Variants in SCAMP4 observed in about 807,000 individuals in gnomAD.
The protein encoded by SCAMP4 is secretory carrier membrane protein 4, also known as secretory carrier-associated membrane protein 4.
A neutral mutation model predicts 32.1 loss-of-function variants in SCAMP4; 19 were observed. That is an observed-to-expected ratio of 0.59 (90% CI 0.41 to 0.87). The LOEUF (loss-of-function observed/expected upper bound fraction) is 0.87. Among genes scored for constraint, SCAMP4 ranks in the 40% least tolerant of loss-of-function variants. The pLI is 0.00. For synonymous variants in SCAMP4, 152 were observed against 132.7 expected, an observed-to-expected ratio of 1.15 and a Z score of -1.00; for missense variants, 302 against 309.0, an observed-to-expected ratio of 0.98 and a Z score of 0.17.
chr19:1,925,401 A>G lies in SCAMP4; in HGVS notation c.*1117A>G, dbSNP rs1224646649. On this transcript the variant is annotated 3_prime_UTR_variant, in exon 7 of 7. Coordinates refer to ENST00000316097, the MANE Select transcript of SCAMP4 (RefSeq NM_079834.4). ...GTGTCAGCCACCGCGCCCAGCCTGG[A>G]GTGGCCTTTTATGAGAGGGGACCCG... 6.6e-6 allele frequency: 1 copy of G among 152,476 alleles called. No individual in the cohort carries two copies. Among genetic ancestry groups the G allele is most frequent in the African/African-American group, 2.4e-5 (1 of 41,356 alleles). 9.4% of individuals were successfully genotyped at this position (152,476 alleles called of 1,614,324 possible).
rs527446139 is a variant in SCAMP4 at position 1,912,045 on chromosome 19, C to T, written c.-41-2934C>T. The T allele has an allele frequency of 7.8e-6, 11 of 1,416,840 alleles. No homozygotes were observed. The East Asian group carries it at 1.1e-4, about 14-fold the overall frequency. 87.8% of individuals were successfully genotyped at this position (1,416,840 alleles called of 1,614,324 possible). A position where few individuals can be genotyped will look rare whatever the true frequency, so the allele number is the denominator to read the frequency against. The stretch of plus-strand genomic sequence containing the variant: ...CTCTCCCCCAGCCGCCCGCAGCCGC[C>T]GGATGATCCTCTGCTCCCGTCTCTG... On this transcript the variant is annotated intron_variant, in intron 1 of 6. Coordinates refer to ENST00000316097, the MANE Select transcript of SCAMP4 (RefSeq NM_079834.4).
intron 5 of SCAMP4, chr19:1,922,384 G>C: frequency 1.5e-6 from 1 of 684,056 alleles, no homozygotes; most frequent in African/African-American, 1.9e-5. Context: ...ACAGGCATGC[G>C]CCCTCATGCC....
intron 5 of SCAMP4, chr19:1,921,149 T>C (rs2013907639): frequency 1.0e-6 from 1 of 985,256 alleles, no homozygotes; most frequent in African/African-American, 1.7e-5. Context: ...TGCGCTGCTG[T>C]GGGGCGAGAG....
intron 1 of SCAMP4, chr19:1,912,646 C>A: frequency 1.4e-6 from 2 of 1,424,778 alleles, no homozygotes; most frequent in Non-Finnish European, 1.8e-6. Context: ...GTGTGGGCGG[C>A]CCGGCGGGCA....
In SCAMP4 at chr19:1,916,011, C is replaced by T. The variant is rs149852500; in HGVS notation, c.7+985C>T. ...TGTAATCCCAGCACTTTTGGGAGGC[C>T]GAGGTGGGCAGATGATGAGGTCAGG... On this transcript the variant is annotated intron_variant, in intron 2 of 6. Coordinates refer to ENST00000316097, the MANE Select transcript of SCAMP4 (RefSeq NM_079834.4). Among the ~76,000 whole-genome samples the T allele has an allele frequency of 7.1e-3, 1,064 of 150,040 alleles. 11 individuals are homozygous for T. Among genetic ancestry groups the T allele is most frequent in the African/African-American group, 0.025 (1,021 of 40,628 alleles).
At chr19:1,912,819 G>C (rs748606302) in intron 1 of SCAMP4, 1 of 1,588,454 alleles carries the variant, frequency 6.3e-7, no homozygotes, top group Non-Finnish European at 8.5e-7. Flanking sequence ...CGGCACCTAC[G>C]ACTTCAGACC....
chr19:1,910,113 G>A (rs1317478810), intron 1 of SCAMP4, among the ~76,000 whole-genome samples: 1 of 152,194 alleles, frequency 6.6e-6, no homozygotes, highest in Non-Finnish European at 1.5e-5. Context: ...TACAACACCC[G>A]CCAGCTCCCG....
At chr19:1,922,391 T>C (rs753802912) in intron 5 of SCAMP4, 215 of 689,568 alleles carry the variant, frequency 3.1e-4, no homozygotes, top group Non-Finnish European at 3.7e-4. Context: ...TGCGCCCTCA[T>C]GCCTGGCTAA....
intron 1 of SCAMP4, chr19:1,912,344 T>G (rs996976017): frequency 2.0e-6 from 3 of 1,533,210 alleles, no homozygotes; most frequent in Non-Finnish European, 2.6e-6. Flanking sequence ...CCAGCCGCGA[T>G]GCCGGCAGCC....
intron 1 of SCAMP4, among the ~76,000 whole-genome samples, chr19:1,907,807 C>T (rs2145423285): frequency 6.6e-6 from 1 of 152,254 alleles, no homozygotes; most frequent in Non-Finnish European, 1.5e-5. Flanking sequence ...GGTCAGGTGG[C>T]CCCCTGCTGT....
At position 1,917,648 on chromosome 19, in the gene SCAMP4, C is replaced by G. The variant is rs757381142; in HGVS notation, c.8-46C>G. On this transcript the variant is annotated intron_variant, in intron 2 of 6. Transcript: ENST00000316097. ...CGAAGGGATGAGGTGGGGCCTCCTT[C>G]AAGAGACAAAGTCTGGTTCTGTCCG... The G allele has an allele frequency of 3.7e-6, 6 of 1,611,826 alleles. No individual in the cohort carries two copies. The East Asian group carries it at 1.3e-4, about 36-fold the overall frequency.
At chr19:1,914,526 T>G in intron 1 of SCAMP4, 3 of 212,148 alleles carry the variant, frequency 1.4e-5, no homozygotes, top group Non-Finnish European at 1.9e-5. Flanking sequence ...CACTCAGTCG[T>G]GGGTGGATGT....
At position 1,908,308 on chromosome 19, in the gene SCAMP4, G is replaced by A. The variant is rs2013247121; in HGVS notation, c.-42+2869G>A. 3.0e-6 allele frequency: 1 copy of A among 335,408 alleles called. No homozygotes were observed. The highest frequency in any genetic ancestry group is 4.1e-5 in the Admixed American group (1 of 24,448). 20.8% of individuals were successfully genotyped at this position (335,408 alleles called of 1,614,324 possible). Reference sequence around the variant, plus strand: ...GCTTTGTTGAACGCGTGAGCTTCGGGCAGCGCTGGGGCCGCTTCAGCGTGA... The same window carrying A: ...GCTTTGTTGAACGCGTGAGCTTCGGACAGCGCTGGGGCCGCTTCAGCGTGA... On this transcript the variant is annotated intron_variant, in intron 1 of 6. Coordinates refer to ENST00000316097, the MANE Select transcript of SCAMP4 (RefSeq NM_079834.4). This position sits in a 1 kb window ranked among gnomAD's most constrained non-coding sequence, Gnocchi z 4.2.
chr19:1,919,215 G>A (rs2013839357), intron 5 of SCAMP4: 9 of 1,395,928 alleles, frequency 6.4e-6, no homozygotes, highest in Non-Finnish European at 6.5e-6. Context: ...CTCCTAGGGA[G>A]GGGTCCGAGC....
In SCAMP4 at chr19:1,924,188, A is replaced by T. The variant is rs1190896776; in HGVS notation, c.594A>T (p.Pro198=). Reference sequence around the variant, plus strand: ...GGAACACGGGCACTTGGCGGAACCCACCGTCGAGGGAGGCCCAGTACAACA... The same window carrying T: ...GGAACACGGGCACTTGGCGGAACCCTCCGTCGAGGGAGGCCCAGTACAACA... The part of the protein sequence containing the change: ...TEWNTGTWRN[P]PSREAQYNNF... The change falls in exon 7 of 7, where the codon CCA becomes CCT. Residue 198 remains proline, a synonymous_variant. Coordinates refer to ENST00000316097, the MANE Select transcript of SCAMP4 (RefSeq NM_079834.4). 1.2e-6 allele frequency: 2 copies of T among 1,610,902 alleles called. No individual in the cohort carries two copies. Among genetic ancestry groups the T allele is most frequent in the African/African-American group, 2.7e-5 (2 of 74,874 alleles).
At position 1,924,833 on chromosome 19, in the gene SCAMP4, T is replaced by C. The variant is rs2014048527; in HGVS notation, c.*549T>C. On this transcript the variant is annotated 3_prime_UTR_variant, in exon 7 of 7. Transcript: ENST00000316097. ...AGCTGAGTCCTCGCTGTCCCCGCCA[T>C]CCCCTGATCTGTGCGGCTCCAGCCT... 1 of 170,776 alleles carries C rather than the reference T, an allele frequency of 5.9e-6. No homozygotes were observed. Among genetic ancestry groups the C allele is most frequent in the South Asian group, 1.4e-4 (1 of 7,114 alleles). The allele number at this position is 170,776 out of a possible 1,614,324, so 10.6% of individuals were successfully genotyped here. A position where few individuals can be genotyped will look rare whatever the true frequency, so the allele number is the denominator to read the frequency against.
intron 5 of SCAMP4, among the ~76,000 whole-genome samples, chr19:1,919,899 T>G (rs1423708895): frequency 6.7e-6 from 1 of 149,956 alleles, no homozygotes; most frequent in African/African-American, 2.5e-5. Context: ...AACCTTCACC[T>G]CCCAGGTTCA....
chr19:1,905,408 C>G lies in SCAMP4; in HGVS notation c.-73C>G. 2.2e-6 allele frequency: 1 copy of G among 463,612 alleles called. No individual in the cohort carries two copies. Among genetic ancestry groups the G allele is most frequent in the Non-Finnish European group, 4.5e-6 (1 of 223,924 alleles). The allele number at this position is 463,612 out of a possible 1,614,324, so 28.7% of individuals were successfully genotyped here. On this transcript the variant is annotated 5_prime_UTR_variant, in exon 1 of 7. Coordinates refer to ENST00000316097, the MANE Select transcript of SCAMP4 (RefSeq NM_079834.4). ...GGCCGGGCCGGTTGCTAAGACTTGG[C>G]GAAGCGCTGCGCTCGCGCCCGGATC...
At chr19:1,912,325 G>T (rs763237998) in intron 1 of SCAMP4, 1 of 1,541,986 alleles carries the variant, frequency 6.5e-7, no homozygotes, top group East Asian at 2.5e-5. Flanking sequence ...CACCTCAAGC[G>T]GGTGCGGCCC....
Sources: gnomAD v4.1 joint callset for allele counts (sites outside exome capture counted in the v4.1 genomes callset) on GRCh38, gnomAD v4.1.1 for gene constraint, Gnocchi (gnomAD v3.1) non-coding constraint, MANE v1.5 for transcripts, NCBI Gene and HGNC (gene_info 2026-07-23, HGNC 2026-07-21) for gene names.